The following BICRAL variants were observed in gnomAD, a reference collection of about 807,000 sequenced individuals.
BICRAL encodes BRD4-interacting chromatin-remodeling complex-associated protein-like.
In BICRAL, 8 loss-of-function variants were observed where a neutral mutation model predicts 91.8. The ratio of observed to expected loss-of-function variants is 0.09; its 90% confidence interval spans 0.05 to 0.16. The LOEUF is 0.16. BICRAL is among the 10% of genes least tolerant of loss of function. BICRAL has a pLI of 1.00. For missense variants in BICRAL, 1,038 were observed against 1,310.9 expected (o/e 0.79, Z 3.21); for synonymous variants, 445 against 491.1 (o/e 0.91, Z 1.24).
intron 6 of BICRAL, among the ~76,000 whole-genome samples, chr6:42,841,688 A>T (rs1764803771): frequency 6.6e-6 from 1 of 152,130 alleles, no homozygotes; most frequent in Non-Finnish European, 1.5e-5. Context: ...TGATTTGAAA[A>T]TGTCTCCTAT....
At chr6:42,790,880 G>A (rs572376407) in intron 1 of BICRAL, among the ~76,000 whole-genome samples, 2 of 152,018 alleles carry the variant, frequency 1.3e-5, no homozygotes, top group Non-Finnish European at 2.9e-5. Context: ...AAGGTGGGCT[G>A]GGGGAGTTGG....
intron 1 of BICRAL, among the ~76,000 whole-genome samples, chr6:42,763,745 C>A (rs375095681): frequency 1.3e-5 from 2 of 151,482 alleles, no homozygotes; most frequent in South Asian, 4.2e-4. Context: ...CACTTCAACC[C>A]GGGAGGTGGA....
chr6:42,820,085 T>C (rs1764098569), intron 2 of BICRAL, among the ~76,000 whole-genome samples: 1 of 152,200 alleles, frequency 6.6e-6, no homozygotes, highest in South Asian at 2.1e-4. Flanking sequence ...TGCTTGAAAG[T>C]GCTAGTGGTA....
At chr6:42,819,318 C>G (rs910578815) in intron 2 of BICRAL, among the ~76,000 whole-genome samples, 3 of 152,140 alleles carry the variant, frequency 2.0e-5, no homozygotes, top group African/African-American at 7.2e-5. Flanking sequence ...CAGAATCTCT[C>G]TCTGTCACCC....
chr6:42,799,314 T>TC (rs1763501014), intron 1 of BICRAL, among the ~76,000 whole-genome samples: 1 of 151,480 alleles, frequency 6.6e-6, no homozygotes, highest in Admixed American at 6.6e-5. Flanking sequence ...TTTTTTTTTT[T>TC]CTGAGATGGA....
intron 1 of BICRAL, among the ~76,000 whole-genome samples, chr6:42,764,905 C>T (rs754480044): frequency 2.0e-5 from 3 of 152,132 alleles, no homozygotes; most frequent in Non-Finnish European, 4.4e-5. Context: ...GTGATCCACC[C>T]GCCTCAACCT....
chr6:42,775,724 A>G (rs751070694), intron 1 of BICRAL, among the ~76,000 whole-genome samples: 51 of 152,298 alleles, frequency 3.3e-4, no homozygotes, highest in Non-Finnish European at 5.4e-4. Context: ...GAAAGCTTGT[A>G]GGAGTTCAGA....
At chr6:42,764,255 AC>A in intron 1 of BICRAL, among the ~76,000 whole-genome samples, 1 of 150,284 alleles carries the variant, frequency 6.7e-6, no homozygotes, top group Non-Finnish European at 1.5e-5. Context: ...AAAAAAAAAA[AC>A]AAAAATGTCT....
intron 2 of BICRAL, among the ~76,000 whole-genome samples, chr6:42,814,418 TAC>T (rs1252861953): frequency 6.9e-6 from 1 of 143,902 alleles, no homozygotes; most frequent in Non-Finnish European, 1.5e-5. Flanking sequence ...CATGTATACA[TAC>T]ATATATATAC....
intron 6 of BICRAL, among the ~76,000 whole-genome samples, chr6:42,846,412 T>A (rs560905773): frequency 6.6e-6 from 1 of 152,006 alleles, no homozygotes; most frequent in East Asian, 1.9e-4. Flanking sequence ...AATAAATAAA[T>A]AAATAAAGAG....
chr6:42,790,519 T>C (rs1196848505), intron 1 of BICRAL, among the ~76,000 whole-genome samples: 1 of 109,010 alleles, frequency 9.2e-6, no homozygotes, highest in Non-Finnish European at 1.8e-5. Context: ...TGGAAGTATG[T>C]AGCACCCCCC....
intron 1 of BICRAL, among the ~76,000 whole-genome samples, chr6:42,782,351 G>C: frequency 7.0e-6 from 1 of 143,424 alleles, no homozygotes; most frequent in East Asian, 2.0e-4. Context: ...TTTGGGGGGG[G>C]GTGGGTTTGT....
In BICRAL at chr6:42,830,049, C is replaced by G; in HGVS notation, c.1716C>G (p.Thr572=). Residue 572 remains threonine, a synonymous_variant, in exon 6 of 13, where the codon ACC becomes ACG. Transcript: ENST00000314073. The part of the protein sequence containing the change: ...SGSNFTGDQL[T]QPNRTPVPVS... ...CAAACTTTACAGGAGATCAGCTGAC[C>G]CAGCCAAACAGGACTCCAGTACCAG... The G allele has an allele frequency of 6.2e-7, 1 of 1,614,100 alleles. No individual in the cohort carries two copies. The highest frequency in any genetic ancestry group is 8.5e-7 in the Non-Finnish European group (1 of 1,180,018).
Position 42,855,737 on chromosome 6 carries a change from T to C in BICRAL, c.2047-119T>C. On this transcript the variant is annotated intron_variant, in intron 8 of 12. Transcript: ENST00000314073. ...TTATTTTTCAGCAGGGCACATTCTG[T>C]AGTCTTAGAATATGTTCTTGATAGG... The C allele has an allele frequency of 5.3e-6, 4 of 752,896 alleles. 1 individual carries two copies. In the South Asian group the frequency reaches 6.8e-5, roughly 13 times the overall value. The allele number at this position is 752,896 out of a possible 1,614,324, so 46.6% of individuals were successfully genotyped here.
intron 6 of BICRAL, among the ~76,000 whole-genome samples, chr6:42,841,282 G>A (rs558968976): frequency 2.5e-4 from 37 of 145,462 alleles, no homozygotes; most frequent in African/African-American, 4.3e-4. Flanking sequence ...TCCACCTCCC[G>A]GGTTCAAGCG....
chr6:42,768,453 C>T (rs938352069), intron 1 of BICRAL, among the ~76,000 whole-genome samples: 4 of 152,140 alleles, frequency 2.6e-5, no homozygotes, highest in Non-Finnish European at 5.9e-5. Context: ...ACTTGGCCTG[C>T]CACAAAAGGA....
intron 3 of BICRAL, 62 bp downstream of exon 3, chr6:42,822,125 C>A (rs553548793): frequency 3.1e-6 from 3 of 983,492 alleles, no homozygotes; most frequent in Non-Finnish European, 4.9e-6. Context: ...AACACTAAGA[C>A]AACCTAATAG....
intron 2 of BICRAL, 43 bp downstream of exon 2, chr6:42,810,444 T>G (rs1763819235): frequency 6.6e-6 from 1 of 152,206 alleles, no homozygotes; most frequent in Non-Finnish European, 1.5e-5. Flanking sequence ...GAAAGTGAGT[T>G]CCTTCAAAAC....
At chr6:42,818,286 G>T (rs908795216) in intron 2 of BICRAL, among the ~76,000 whole-genome samples, 4 of 152,080 alleles carry the variant, frequency 2.6e-5, no homozygotes, top group Admixed American at 6.6e-5. Flanking sequence ...GGAGCTAGTT[G>T]TATTTCCTTT....
Sources: gnomAD v4.1 joint callset for allele counts (sites outside exome capture counted in the v4.1 genomes callset) on GRCh38, gnomAD v4.1.1 for gene constraint, MANE v1.5 for transcripts, NCBI Gene and HGNC (gene_info 2026-07-23, HGNC 2026-07-21) for gene names.